The following HMCN2 variants were observed in gnomAD, a reference collection of about 807,000 sequenced individuals.
The protein encoded by HMCN2 is hemicentin-2.
HMCN2 carries 325 observed loss-of-function variants against 377.5 expected under a neutral mutation model. That is an observed-to-expected ratio of 0.86 (90% CI 0.79 to 0.94). The LOEUF (loss-of-function observed/expected upper bound fraction) is 0.94, where lower values mean the gene tolerates loss of function less well. Ranked by LOEUF, HMCN2 falls within the 40% of genes least tolerant of loss-of-function variation. The pLI is 0.00. For synonymous variants in HMCN2, 2,007 were observed against 2,046.8 expected (o/e 0.98, Z 0.53); for missense variants, 4,543 against 4,725.3 (o/e 0.96, Z 1.13).
chr9:130,360,058 G>A lies in HMCN2; in HGVS notation c.5774-370G>A, dbSNP rs1197501905. Among the ~76,000 whole-genome samples, 2 of 152,060 alleles carry A rather than the reference G, an allele frequency of 1.3e-5. No homozygotes were observed. The highest frequency in any genetic ancestry group is 2.9e-5 in the Non-Finnish European group (2 of 67,990). On this transcript the variant is annotated intron_variant, in intron 37 of 97. Transcript: ENST00000683500. This position sits in a 1 kb window ranked among gnomAD's most constrained non-coding sequence, Gnocchi z 4.7. ...GACGGGGTCTTCTGGTAGGGGGAGG[G>A]CAGGGCTGAGTTTGACTCTCTCTGC... is the stretch of plus-strand genomic sequence containing the variant.
At chr9:130,318,739 A>G (rs1326637186) in intron 15 of HMCN2, among the ~76,000 whole-genome samples, 3 of 152,176 alleles carry the variant, frequency 2.0e-5, no homozygotes, top group Admixed American at 1.3e-4. Flanking sequence ...GTCACTATTA[A>G]TGCAACCCCT....
intron 3 of HMCN2, 37 bp downstream of exon 3, chr9:130,285,353 C>A: frequency 2.1e-6 from 1 of 467,980 alleles, no homozygotes; most frequent in South Asian, 1.6e-5. Flanking sequence ...AAGTGGGGTC[C>A]CCCGGGGGTC....
chr9:130,348,799 G>A (rs1588283068), intron 27 of HMCN2, 124 bp downstream of exon 27: 3 of 1,245,060 alleles, frequency 2.4e-6, no homozygotes, highest in East Asian at 5.7e-5. Context: ...CTTTGGTGGT[G>A]CTCTGGGGTT....
chr9:130,348,329 C>T (rs1006871387), intron 26 of HMCN2, among the ~76,000 whole-genome samples: 4 of 152,224 alleles, frequency 2.6e-5, no homozygotes, highest in South Asian at 2.1e-4. Flanking sequence ...AAGGGTGACA[C>T]CTGGGCCTGG....
At chr9:130,418,621 C>T in intron 85 of HMCN2, 151 bp from the exon 86 acceptor site, 1 of 548,738 alleles carries the variant, frequency 1.8e-6, no homozygotes, top group Non-Finnish European at 2.9e-6. Flanking sequence ...GGGAAATATT[C>T]AGGAACGATG....
In HMCN2 at chr9:130,354,859, C is replaced by T. The variant is rs753668651; in HGVS notation, c.4961C>T (p.Pro1654Leu). ...VALECVARGH[P>L]SPTLSWHHEG... is the part of the protein sequence containing the mutation. ...CTGGAGTGCGTGGCCAGAGGCCACC[C>T]GTCCCCCACCCTCTCCTGGCACCAC... The change falls in exon 32 of 98, where the codon CCG becomes CTG. Residue 1654 changes from proline to leucine, a missense_variant. Pro to Leu is a moderately conservative substitution (Grantham distance 98). This residue lies in a region of HMCN2 where 1,032 missense variants were observed against 1,285.1 expected (regional missense o/e 0.80). Transcript: ENST00000683500. The T allele has an allele frequency of 4.6e-5, 60 of 1,304,118 alleles. No homozygotes were observed. The highest frequency in any genetic ancestry group is 5.8e-5 in the Non-Finnish European group (57 of 988,948). The allele number at this position is 1,304,118 out of a possible 1,614,324, so 80.8% of individuals were successfully genotyped here.
intron 73 of HMCN2, among the ~76,000 whole-genome samples, chr9:130,397,321 C>T (rs1370201128): frequency 6.6e-6 from 1 of 152,216 alleles, no homozygotes; most frequent in Non-Finnish European, 1.5e-5. Context: ...ACCCGCCCCC[C>T]AATTCAATCA....
chr9:130,427,509 G>T lies in HMCN2; in HGVS notation c.13955G>T (p.Cys4652Phe). The T allele has an allele frequency of 1.3e-6, 2 of 1,550,492 alleles. No individual in the cohort carries two copies. Among genetic ancestry groups the T allele is most frequent in the Non-Finnish European group, 1.7e-6 (2 of 1,146,956 alleles). Reference protein sequence around the residue: ...QGAFCVDRDECSGGPSPCSHA... With the variant: ...QGAFCVDRDEFSGGPSPCSHA... ...CTTCCTGCCCCAGACAGGGACGAGTGCTCAGGAGGCCCTAGCCCCTGCTCC... is the reference window on the plus strand; with the variant it reads ...CTTCCTGCCCCAGACAGGGACGAGTTCTCAGGAGGCCCTAGCCCCTGCTCC... The change falls in exon 92 of 98, where the codon TGC (cysteine) becomes TTC (phenylalanine). Residue 4652 changes from cysteine to phenylalanine, a missense_variant. Around this residue, in one of 5 missense-constraint regions of HMCN2, gnomAD observed 1,155 missense variants for 1,157.7 expected, o/e 1.00. Transcript: ENST00000683500.
At chr9:130,342,720 C>T (rs1839125024) in intron 25 of HMCN2, among the ~76,000 whole-genome samples, 1 of 152,162 alleles carries the variant, frequency 6.6e-6, no homozygotes, top group Admixed American at 6.5e-5. Context: ...CCTGCCCTGC[C>T]CCCCTGTGCC....
rs1840165222 is a variant in HMCN2 at position 130,358,401 on chromosome 9, G to A, written c.5592G>A (p.Val1864=). The A allele has an allele frequency of 1.5e-6, 2 of 1,303,888 alleles. No homozygotes were observed. Among genetic ancestry groups the A allele is most frequent in the African/African-American group, 1.5e-5 (1 of 65,764 alleles). The allele number at this position is 1,303,888 out of a possible 1,614,324, so 80.8% of individuals were successfully genotyped here. A position where few individuals can be genotyped will look rare whatever the true frequency, so the allele number is the denominator to read the frequency against. Residue 1864 remains valine (V), a synonymous_variant, in exon 36 of 98, where the codon GTG becomes GTA. Coordinates refer to ENST00000683500, the MANE Select transcript of HMCN2 (RefSeq NM_001291815.2). ...CCCCTCCCCTCCAGATTGAGAAGGTGGACCTGAGGGACGAGGGCATCTACA... is the reference window on the plus strand; with the variant it reads ...CCCCTCCCCTCCAGATTGAGAAGGTAGACCTGAGGGACGAGGGCATCTACA... The part of the protein sequence containing the change: ...AFGGNLQIEK[V]DLRDEGIYTC...
At chr9:130,286,522 C>G (rs574425475) in intron 4 of HMCN2, among the ~76,000 whole-genome samples, 132 of 152,354 alleles carry the variant, frequency 8.7e-4, no homozygotes, top group African/African-American at 3.1e-3. Context: ...CTCGCCAAAC[C>G]CTTCCACCTG....
At chr9:130,392,857 C>G (rs12554566) in intron 66 of HMCN2, among the ~76,000 whole-genome samples, 37,227 of 150,836 alleles carry the variant, frequency 0.25, 5,016 homozygotes, top group East Asian at 0.49. Flanking sequence ...TTAGCCGGGC[C>G]TGGTGGCGGG....
In HMCN2 at chr9:130,351,326, C is replaced by T. The variant is rs1354629524; in HGVS notation, c.4431-97C>T. ...CACCTCTTGGCGCTAATGAATGGCC[C>T]AGCCTCGCTTTTTACAAGCCACACA... On this transcript the variant is annotated intron_variant, in intron 29 of 97. Coordinates refer to ENST00000683500, the MANE Select transcript of HMCN2 (RefSeq NM_001291815.2). This position sits in a 1 kb window ranked among gnomAD's most constrained non-coding sequence, Gnocchi z 5.4. The T allele has an allele frequency of 1.0e-6, 1 of 1,001,886 alleles. No homozygotes were observed. Among genetic ancestry groups the T allele is most frequent in the Middle Eastern group, 3.1e-4 (1 of 3,240 alleles). The allele number at this position is 1,001,886 out of a possible 1,614,324, so 62.1% of individuals were successfully genotyped here.
At chr9:130,305,725 GC>G (rs1236218964) in intron 11 of HMCN2, among the ~76,000 whole-genome samples, 1 of 152,126 alleles carries the variant, frequency 6.6e-6, no homozygotes, top group East Asian at 1.9e-4. Context: ...TTTCCAAATG[GC>G]CAGGTTAGAA....
chr9:130,272,465 T>C (rs1260713218), intron 1 of HMCN2, among the ~76,000 whole-genome samples: 8 of 124,598 alleles, frequency 6.4e-5, no homozygotes, highest in African/African-American at 1.8e-4. Flanking sequence ...GGTCTTGAAC[T>C]CCTGACCTCA....
At chr9:130,418,707 A>G in intron 85 of HMCN2, 65 bp from the exon 86 acceptor site, 2 of 1,315,714 alleles carry the variant, frequency 1.5e-6, no homozygotes, top group Non-Finnish European at 2.0e-6. Context: ...GTCTAAATGA[A>G]CATATCCCAC....
intron 1 of HMCN2, among the ~76,000 whole-genome samples, chr9:130,266,971 G>A (rs1834139327): frequency 6.6e-6 from 1 of 151,596 alleles, no homozygotes; most frequent in South Asian, 2.1e-4. Context: ...TTTGAGACAA[G>A]GTCTGGCTCT....
rs981681095 is a variant in HMCN2, at chr9:130,334,950, A to C, written c.3360-2944A>C. Reference sequence around the variant, plus strand: ...CTCCTGGGCTTGAGTGATCCTCCCAACTCAGCCTCTCAATTAGCTGGGACC... The same window carrying C: ...CTCCTGGGCTTGAGTGATCCTCCCACCTCAGCCTCTCAATTAGCTGGGACC... On this transcript the variant is annotated intron_variant, in intron 22 of 97. Coordinates refer to ENST00000683500, the MANE Select transcript of HMCN2 (RefSeq NM_001291815.2). Among the ~76,000 whole-genome samples, 49 of 151,794 alleles carry C rather than the reference A, an allele frequency of 3.2e-4. 1 individual carries two copies. The South Asian group carries it at 8.6e-3, about 27-fold the overall frequency.
At chr9:130,326,939 C>T (rs1042609295) in intron 21 of HMCN2, among the ~76,000 whole-genome samples, 1 of 152,156 alleles carries the variant, frequency 6.6e-6, no homozygotes, top group South Asian at 2.1e-4. Context: ...AGTGAATGAG[C>T]AAGGGGAGAA....
Sources: allele counts gnomAD v4.1 joint callset (sites outside exome capture counted in the v4.1 genomes callset), GRCh38; gene constraint gnomAD v4.1.1; regional missense constraint gnomAD v4.1.1; non-coding constraint Gnocchi (gnomAD v3.1); transcripts MANE v1.5; gene names NCBI Gene and HGNC (gene_info 2026-07-23, HGNC 2026-07-21).